The following C1orf87 variants were observed in gnomAD, a reference collection of about 807,000 sequenced individuals.
The protein encoded by C1orf87 is uncharacterized protein C1orf87.
In C1orf87, 58 loss-of-function variants were observed where a neutral mutation model predicts 60.5. The ratio of observed to expected loss-of-function variants is 0.96; its 90% CI spans 0.78 to 1.19. C1orf87 has a LOEUF of 1.19. Ranked by LOEUF, C1orf87 falls within the 50% of genes most tolerant of loss-of-function variation. The pLI is 0.00. For synonymous variants in C1orf87, 236 were observed against 227.4 expected (o/e 1.04, Z -0.34); for missense variants, 673 against 638.6 (o/e 1.05, Z -0.58).
intron 7 of C1orf87, among the ~76,000 whole-genome samples, chr1:60,026,475 A>G: frequency 6.6e-6 from 1 of 151,926 alleles, no homozygotes; most frequent in East Asian, 1.9e-4. Flanking sequence ...GGAAGCAGAG[A>G]GAGAGGAAAG....
intron 3 of C1orf87, among the ~76,000 whole-genome samples, chr1:60,049,780 C>T (rs941152907): frequency 3.3e-5 from 5 of 152,020 alleles, no homozygotes; most frequent in Non-Finnish European, 7.4e-5. Context: ...GTACATCTTA[C>T]GTATGTATGG....
intron 3 of C1orf87, among the ~76,000 whole-genome samples, chr1:60,045,521 A>G (rs1645359616): frequency 2.0e-5 from 3 of 152,242 alleles, no homozygotes; most frequent in South Asian, 2.1e-4. Flanking sequence ...AGATAATAGC[A>G]TGATGAAACT....
chr1:60,042,224 T>C (rs1475463289), intron 3 of C1orf87, among the ~76,000 whole-genome samples: 2 of 152,176 alleles, frequency 1.3e-5, no homozygotes, highest in Non-Finnish European at 2.9e-5. Context: ...ATGGTTATTT[T>C]ATTTATTTTA....
At chr1:60,035,742 G>T (rs1325653840) in intron 6 of C1orf87, among the ~76,000 whole-genome samples, 1 of 152,208 alleles carries the variant, frequency 6.6e-6, no homozygotes, top group African/African-American at 2.4e-5. Flanking sequence ...AATTGGAGGT[G>T]CCAATTACAT....
At chr1:59,991,227 T>A (rs572686956) in intron 11 of C1orf87, among the ~76,000 whole-genome samples, 1 of 152,320 alleles carries the variant, frequency 6.6e-6, no homozygotes, top group East Asian at 1.9e-4. Flanking sequence ...AACACATTCC[T>A]AAACATGCAG....
intron 3 of C1orf87, among the ~76,000 whole-genome samples, chr1:60,050,631 CT>C (rs1466675295): frequency 6.6e-6 from 1 of 151,786 alleles, no homozygotes; most frequent in Non-Finnish European, 1.5e-5. Flanking sequence ...CCTGTACTTT[CT>C]TTCTCTTATG....
intron 3 of C1orf87, among the ~76,000 whole-genome samples, chr1:60,046,945 AT>A (rs1362037466): frequency 2.6e-5 from 4 of 152,228 alleles, no homozygotes; most frequent in Non-Finnish European, 5.9e-5. Flanking sequence ...TTCAAGATCA[AT>A]TTTATTTGAG....
At chr1:59,994,079 A>AACT (rs1239338673) in intron 11 of C1orf87, among the ~76,000 whole-genome samples, 1 of 152,112 alleles carries the variant, frequency 6.6e-6, no homozygotes, top group Non-Finnish European at 1.5e-5. Flanking sequence ...TTTCAACATC[A>AACT]ACTTCATTGT....
chr1:60,070,703 A>T (rs1334507291), intron 2 of C1orf87, among the ~76,000 whole-genome samples: 1 of 152,214 alleles, frequency 6.6e-6, no homozygotes. Flanking sequence ...TTGTACTATA[A>T]TAGGAGAGAT....
At chr1:60,056,169 A>C (rs1645454584) in intron 2 of C1orf87, among the ~76,000 whole-genome samples, 1 of 152,046 alleles carries the variant, frequency 6.6e-6, no homozygotes, top group Admixed American at 6.5e-5. Flanking sequence ...GCTTGAACCC[A>C]GGAGGTGGAG....
intron 3 of C1orf87, among the ~76,000 whole-genome samples, chr1:60,047,453 C>T (rs1316112575): frequency 6.6e-6 from 1 of 152,104 alleles, no homozygotes; most frequent in Non-Finnish European, 1.5e-5. Context: ...CTTAGGAAGG[C>T]TTTGTATCTT....
rs1645318981 is a variant in C1orf87, at chr1:60,040,887, C to T, written c.483+104G>A. On this transcript the variant is annotated intron_variant, in intron 4 of 11. Coordinates refer to ENST00000371201, the MANE Select transcript of C1orf87 (RefSeq NM_152377.3). ...GCATTACAGGTGTAAGCCACTATGA[C>T]CAGCCCTCAGACCAACTTATCTTCT... The T allele has an allele frequency of 1.9e-5, 25 of 1,312,244 alleles. No homozygotes were observed. The South Asian group carries it at 4.1e-4, about 21-fold the overall frequency. The allele number at this position is 1,312,244 out of a possible 1,614,324, so 81.3% of individuals were successfully genotyped here.
intron 2 of C1orf87, among the ~76,000 whole-genome samples, chr1:60,055,703 G>A (rs1412772681): frequency 6.6e-6 from 1 of 152,002 alleles, no homozygotes; most frequent in African/African-American, 2.4e-5. Context: ...AACCCTTACT[G>A]TAAGCAATGG....
chr1:60,032,187 A>G (rs1045177268), intron 7 of C1orf87, among the ~76,000 whole-genome samples: 2 of 152,192 alleles, frequency 1.3e-5, no homozygotes, highest in Non-Finnish European at 2.9e-5. Flanking sequence ...CTGTATACCT[A>G]GATGAAAGGC....
At chr1:60,024,088 T>C (rs868740098) in intron 8 of C1orf87, among the ~76,000 whole-genome samples, 6 of 152,184 alleles carry the variant, frequency 3.9e-5, no homozygotes, top group Admixed American at 1.3e-4. Flanking sequence ...ATTATCTGTG[T>C]TGTTTAGGAA....
intron 11 of C1orf87, among the ~76,000 whole-genome samples, chr1:59,994,627 G>GT (rs112641415): frequency 3.0e-4 from 45 of 150,838 alleles, no homozygotes; most frequent in South Asian, 6.3e-4. Flanking sequence ...CTTAACCACT[G>GT]TTTTTTTTTC....
chr1:60,069,154 C>A (rs933080504), intron 2 of C1orf87, among the ~76,000 whole-genome samples: 7 of 152,090 alleles, frequency 4.6e-5, no homozygotes, highest in African/African-American at 1.7e-4. Context: ...CAGGAGCCCC[C>A]AGGTGGGGCA....
Position 60,001,524 on chromosome 1 carries a change from G to C in C1orf87, c.1193-368C>G, listed in dbSNP as rs1406185150. Among the ~76,000 whole-genome samples the C allele has an allele frequency of 2.6e-5, 4 of 152,046 alleles. No individual in the cohort carries two copies. The East Asian group carries it at 5.8e-4, about 22-fold the overall frequency. ...ACACAAATTCGCAACCTGAAGGATTGGTTTTAGTTGTGTTTGTAGCACTTA... is the reference window on the plus strand; with the variant it reads ...ACACAAATTCGCAACCTGAAGGATTCGTTTTAGTTGTGTTTGTAGCACTTA... On this transcript the variant is annotated intron_variant, in intron 9 of 11. Coordinates refer to ENST00000371201, the MANE Select transcript of C1orf87 (RefSeq NM_152377.3).
At chr1:60,038,547 C>T (rs993741017) in intron 5 of C1orf87, among the ~76,000 whole-genome samples, 10 of 152,046 alleles carry the variant, frequency 6.6e-5, no homozygotes, top group Admixed American at 3.9e-4. Flanking sequence ...AAAAAAATAA[C>T]TTTTTGTGGC....
Sources: gnomAD v4.1 joint callset for allele counts (sites outside exome capture counted in the v4.1 genomes callset) on GRCh38, gnomAD v4.1.1 for gene constraint, MANE v1.5 for transcripts, NCBI Gene and HGNC (gene_info 2026-07-23, HGNC 2026-07-21) for gene names.